The following ADAM17 variants were observed in gnomAD, a reference collection of about 807,000 sequenced individuals.
ADAM17 encodes ADAM metallopeptidase domain 17.
In ADAM17, 39 loss-of-function variants were observed where a neutral mutation model predicts 96.7. That is an observed-to-expected ratio of 0.40 (90% CI 0.31 to 0.53). ADAM17 has a LOEUF of 0.53. Ranked by LOEUF, ADAM17 falls within the 20% of genes least tolerant of loss-of-function variation. The probability of loss-of-function intolerance (pLI) is 0.44; values close to 1 mark genes in which losing one functional copy is unlikely to be tolerated. For missense variants in ADAM17, 777 were observed against 1,013.2 expected (o/e 0.77, Z 3.17); for synonymous variants, 344 against 359.2 (o/e 0.96, Z 0.48).
chr2:9,521,502 G>GA, intron 7 of ADAM17, 186 bp from the exon 8 acceptor site: 1 of 322,234 alleles, frequency 3.1e-6, no homozygotes. Context: ...ATATGGTATG[G>GA]AAAACATATG....
At chr2:9,524,818 C>T (rs1664452215) in intron 6 of ADAM17, among the ~76,000 whole-genome samples, 1 of 152,096 alleles carries the variant, frequency 6.6e-6, no homozygotes, top group African/African-American at 2.4e-5. Flanking sequence ...GTATAGTTTC[C>T]AAGGAAAATG....
At chr2:9,508,140 T>C (rs980267972) in intron 11 of ADAM17, among the ~76,000 whole-genome samples, 1 of 152,170 alleles carries the variant, frequency 6.6e-6, no homozygotes, top group Non-Finnish European at 1.5e-5. Flanking sequence ...ACTATCCTCA[T>C]AACCAAGAAG....
intron 16 of ADAM17, 136 bp from the exon 17 acceptor site, chr2:9,493,122 G>T: frequency 4.4e-6 from 3 of 682,156 alleles, no homozygotes; most frequent in South Asian, 4.2e-5. Context: ...GAATGTCTGT[G>T]CTGCCTGTAT....
At chr2:9,501,863 A>G (rs1011599604) in intron 13 of ADAM17, among the ~76,000 whole-genome samples, 13 of 152,158 alleles carry the variant, frequency 8.5e-5, no homozygotes, top group African/African-American at 2.9e-4. Flanking sequence ...GGCACATTAA[A>G]AACACATACA....
chr2:9,550,519 C>T (rs539729794), intron 1 of ADAM17, among the ~76,000 whole-genome samples: 20 of 146,846 alleles, frequency 1.4e-4, no homozygotes, highest in Non-Finnish European at 2.4e-4. Flanking sequence ...AACCTTGGCA[C>T]ACTGCAACCT....
chr2:9,512,875 C>A (rs1663817440), intron 10 of ADAM17, among the ~76,000 whole-genome samples: 1 of 152,176 alleles, frequency 6.6e-6, no homozygotes, highest in Non-Finnish European at 1.5e-5. Context: ...CAGGAAGGTG[C>A]AAAACTCATT....
chr2:9,490,027 A>AAGAACTGTTTACCT lies in ADAM17; in HGVS notation c.*136_*149dup. On this transcript the variant is annotated 3_prime_UTR_variant, in exon 19 of 19. Transcript: ENST00000310823. ...CAAAAGGAGAAGGGCCAAACCACACAAGAACTGTTTACCTGCAGGAAGTTC... is the reference window on the plus strand; with the variant it reads ...CAAAAGGAGAAGGGCCAAACCACACAAGAACTGTTTACCTAGAACTGTTTACCTGCAGGAAGTTC... 2.8e-6 allele frequency: 2 copies of AAGAACTGTTTACCT among 718,334 alleles called. No individual in the cohort carries two copies. Among genetic ancestry groups the AAGAACTGTTTACCT allele is most frequent in the Non-Finnish European group, 4.4e-6 (2 of 451,548 alleles). The allele number at this position is 718,334 out of a possible 1,614,324, so 44.5% of individuals were successfully genotyped here. A position where few individuals can be genotyped will look rare whatever the true frequency, so the allele number is the denominator to read the frequency against.
At chr2:9,496,722 CA>C (rs1176325149) in intron 14 of ADAM17, among the ~76,000 whole-genome samples, 11 of 152,292 alleles carry the variant, frequency 7.2e-5, no homozygotes, top group African/African-American at 2.6e-4. Context: ...GGAGTTGTTG[CA>C]GGAGTATCCT....
chr2:9,531,559 G>A (rs76920161), intron 4 of ADAM17, among the ~76,000 whole-genome samples: 9,859 of 152,044 alleles, frequency 0.065, 1,098 homozygotes, highest in African/African-American at 0.22. Context: ...AAAACTAGCC[G>A]GGCACAGTGG....
rs1218988522 is a variant in ADAM17, at chr2:9,490,293, T to C, written c.2359A>G (p.Thr787Ala). The change falls in exon 19 of 19, where the codon ACA becomes GCA. Residue 787 changes from threonine to alanine, a missense_variant. By Grantham distance (58) the Thr-to-Ala change is moderately conservative. Around this residue, in one of 3 missense-constraint regions of ADAM17, gnomAD observed 197 missense variants for 219.4 expected, o/e 0.90. Transcript: ENST00000310823. ...FEKDPFPNSS[T>A]AAKSFEDLTD... is the part of the protein sequence containing the mutation. ...AGATCCTCAAATGACTTGGCAGCTG[T>C]GCTGCTATTTGGGAAGGGGTCCTTC... 1 of 1,614,062 alleles carries C rather than the reference T, an allele frequency of 6.2e-7. No homozygotes were observed. Among genetic ancestry groups the C allele is most frequent in the Non-Finnish European group, 8.5e-7 (1 of 1,180,022 alleles).
intron 1 of ADAM17, among the ~76,000 whole-genome samples, chr2:9,555,066 C>T (rs1665697708): frequency 6.6e-6 from 1 of 152,096 alleles, no homozygotes; most frequent in South Asian, 2.1e-4. Flanking sequence ...AATTCTAGTT[C>T]CCTCCTTCGA....
chr2:9,540,448 C>T (rs544654083), intron 2 of ADAM17, among the ~76,000 whole-genome samples: 1 of 151,900 alleles, frequency 6.6e-6, no homozygotes, highest in South Asian at 2.1e-4. Flanking sequence ...TGTAAAATGC[C>T]AGTAAATTAC....
At position 9,555,569 on chromosome 2, in the gene ADAM17, G is replaced by A; in HGVS notation, c.37C>T (p.Pro13Ser). Residue 13 changes from proline (P) to serine (S), a missense_variant, in exon 1 of 19, where the codon CCT becomes TCT. Physicochemically the swap from Pro to Ser is moderately conservative, Grantham distance 74. Coordinates refer to ENST00000310823, the MANE Select transcript of ADAM17 (RefSeq NM_003183.6). ...QSLLFLTSVV[P>S]FVLAPRPPDD... ...GGAGGTCGCGGCGCCAGCACGAAAG[G>A]AACCACGCTGGTCAGGAATAGGAGA... The A allele has an allele frequency of 6.2e-7, 1 of 1,600,682 alleles. No homozygotes were observed. Among genetic ancestry groups the A allele is most frequent in the Non-Finnish European group, 8.5e-7 (1 of 1,173,594 alleles).
intron 7 of ADAM17, chr2:9,522,306 C>A: frequency 2.0e-6 from 1 of 493,472 alleles, no homozygotes; most frequent in Non-Finnish European, 3.7e-6. Context: ...TACGACATCT[C>A]TAGAAAGATA....
chr2:9,543,411 T>C (rs1665294058), intron 1 of ADAM17, 126 bp from the exon 2 acceptor site: 1 of 851,598 alleles, frequency 1.2e-6, no homozygotes, highest in Non-Finnish European at 1.6e-6. Context: ...AAGCACAAAC[T>C]ATAAATCATT....
rs1662120057 is a variant in ADAM17 at position 9,491,262 on chromosome 2, GTA to G, written c.2083-113_2083-112del. 8.3e-6 allele frequency: 8 copies of G among 961,188 alleles called. 1 individual carries two copies. The South Asian group carries it at 1.3e-4, about 16-fold the overall frequency. The allele number at this position is 961,188 out of a possible 1,614,324, so 59.5% of individuals were successfully genotyped here. A position where few individuals can be genotyped will look rare whatever the true frequency, so the allele number is the denominator to read the frequency against. On this transcript the variant is annotated intron_variant, in intron 17 of 18. Transcript: ENST00000310823. Reference sequence around the variant, plus strand: ...AACTGAAGAACTTAGAACCTGAGTTGTAGAAAGTGATAGCAGGCTCAACAGAT... The same window carrying G: ...AACTGAAGAACTTAGAACCTGAGTTGGAAAGTGATAGCAGGCTCAACAGAT...
intron 13 of ADAM17, among the ~76,000 whole-genome samples, chr2:9,498,363 G>A (rs1172748626): frequency 6.6e-6 from 1 of 152,186 alleles, no homozygotes; most frequent in Non-Finnish European, 1.5e-5. Context: ...ACCAAAGAAA[G>A]TTAAACTGGG....
At chr2:9,508,547 C>T (rs1663546446) in intron 11 of ADAM17, among the ~76,000 whole-genome samples, 1 of 152,176 alleles carries the variant, frequency 6.6e-6, no homozygotes, top group Non-Finnish European at 1.5e-5. Context: ...CATTTCCATC[C>T]TTCCAGTAAT....
In ADAM17 at chr2:9,505,289, C is replaced by T. The variant is rs761448887; in HGVS notation, c.1421G>A (p.Ser474Asn). 2 of 1,614,178 alleles carry T rather than the reference C, an allele frequency of 1.2e-6. No individual in the cohort carries two copies. Among genetic ancestry groups the T allele is most frequent in the East Asian group, 4.5e-5 (2 of 44,880 alleles). Residue 474 changes from serine (S) to asparagine (N), a missense_variant, in exon 12 of 19, where the codon AGC (serine) becomes AAC (asparagine). Coordinates refer to ENST00000310823, the MANE Select transcript of ADAM17 (RefSeq NM_003183.6). ...SKAQECFQERSNKVCGNSRVD... is the reference protein window; with the variant it reads ...SKAQECFQERNNKVCGNSRVD... ...CCTCGAGTTCCCACAAACTTTATTG[C>T]TGCGTTCTTGAAAACACTCCTGGGC... is the stretch of plus-strand genomic sequence containing the variant.
Sources: gnomAD v4.1 joint callset for allele counts (sites outside exome capture counted in the v4.1 genomes callset) on GRCh38, gnomAD v4.1.1 for gene constraint, gnomAD v4.1.1 regional missense constraint, MANE v1.5 for transcripts, NCBI Gene and HGNC (gene_info 2026-07-23, HGNC 2026-07-21) for gene names.